MALRD1: variants seen among roughly 807,000 people sequenced by gnomAD.
MALRD1 encodes MAM and LDL receptor class A domain containing 1, also known as MAM and LDL-receptor class A domain-containing protein 1.
MALRD1 carries 247 observed loss-of-function variants against 242.1 expected under a neutral mutation model. That is an observed-to-expected ratio of 1.02 (90% CI 0.92 to 1.13). The LOEUF (loss-of-function observed/expected upper bound fraction) is 1.13, where lower values mean the gene tolerates loss of function less well. Among genes scored for constraint, MALRD1 ranks in the 50% most tolerant of loss-of-function variants. The probability of loss-of-function intolerance (pLI) is 0.00; values close to 1 mark genes in which losing one functional copy is unlikely to be tolerated. For missense variants in MALRD1, 2,989 were observed against 2,533.1 expected (o/e 1.18, Z -3.86); for synonymous variants, 995 against 866.6 (o/e 1.15, Z -2.60).
At position 19,607,782 on chromosome 10, in the gene MALRD1, A is replaced by G; in HGVS notation, c.5950A>G (p.Lys1984Glu). 1 of 1,548,020 alleles carries G rather than the reference A, an allele frequency of 6.5e-7. No individual in the cohort carries two copies. Among genetic ancestry groups the G allele is most frequent in the South Asian group, 1.2e-5 (1 of 83,586 alleles). ...TTATTCTTTTTTTTTTGCAGCCAACAAAAGCTGTTCTAATGGAGCTCTGGT... is the reference window on the plus strand; with the variant it reads ...TTATTCTTTTTTTTTTGCAGCCAACGAAAGCTGTTCTAATGGAGCTCTGGT... Reference protein sequence around the residue: ...FNEDELICSNKSCSNGALVCA... With the variant: ...FNEDELICSNESCSNGALVCA... Residue 1984 changes from lysine (K) to glutamate (E), a missense_variant, in exon 35 of 40, where the codon AAA (lysine) becomes GAA (glutamate). Coordinates refer to ENST00000454679, the MANE Select transcript of MALRD1 (RefSeq NM_001142308.3).
At chr10:19,302,976 G>A (rs1842015184) in intron 21 of MALRD1, among the ~76,000 whole-genome samples, 1 of 151,510 alleles carries the variant, frequency 6.6e-6, no homozygotes, top group African/African-American at 2.4e-5. Context: ...AAGAAGAAAT[G>A]CAAAAAGTTG....
chr10:19,455,143 C>A (rs1396828919), intron 29 of MALRD1, among the ~76,000 whole-genome samples: 2 of 152,100 alleles, frequency 1.3e-5, no homozygotes, highest in African/African-American at 4.8e-5. Flanking sequence ...AATTTGATGT[C>A]TCTCCTTTTT....
intron 14 of MALRD1, among the ~76,000 whole-genome samples, chr10:19,186,281 T>TA (rs1835733805): frequency 6.6e-6 from 1 of 152,206 alleles, no homozygotes; most frequent in Admixed American, 6.5e-5. Flanking sequence ...TCTAGACAGA[T>TA]GTCATTGTGA....
chr10:19,698,020 C>T (rs1833456073), intron 38 of MALRD1, among the ~76,000 whole-genome samples: 4 of 152,182 alleles, frequency 2.6e-5, no homozygotes. Context: ...GATGTAAATG[C>T]CTTCAAGTCA....
intron 31 of MALRD1, among the ~76,000 whole-genome samples, chr10:19,520,093 T>C (rs1261907951): frequency 2.6e-5 from 4 of 152,108 alleles, no homozygotes; most frequent in Non-Finnish European, 4.4e-5. Context: ...ACAACAACCT[T>C]GAGTCGTTCA....
At chr10:19,236,625 A>G (rs1032155218) in intron 18 of MALRD1, among the ~76,000 whole-genome samples, 1 of 152,130 alleles carries the variant, frequency 6.6e-6, no homozygotes, top group African/African-American at 2.4e-5. Flanking sequence ...TTTGCTTCAC[A>G]TCAGGGAAAA....
chr10:19,633,836 C>CTTTTTTTTTTTTTTTTT (rs199830595), intron 36 of MALRD1: 4 of 141,130 alleles, frequency 2.8e-5, no homozygotes, highest in South Asian at 4.4e-4. Flanking sequence ...TTTTTCTTTT[C>CTTTTTTTTTTTTTTTTT]TTTCTTTTTT....
intron 2 of MALRD1, among the ~76,000 whole-genome samples, chr10:19,080,797 A>G (rs1194095789): frequency 6.6e-6 from 1 of 152,128 alleles, no homozygotes; most frequent in Non-Finnish European, 1.5e-5. Flanking sequence ...GAGATTCTGC[A>G]CAGCAAAAGA....
At chr10:19,671,415 C>T (rs149754610) in intron 36 of MALRD1, among the ~76,000 whole-genome samples, 5 of 152,152 alleles carry the variant, frequency 3.3e-5, no homozygotes, top group East Asian at 1.9e-4. Context: ...GTTAGAAGTT[C>T]GAGACCAGCC....
At chr10:19,594,105 T>C (rs1050564270) in intron 33 of MALRD1, among the ~76,000 whole-genome samples, 4 of 152,200 alleles carry the variant, frequency 2.6e-5, no homozygotes, top group Non-Finnish European at 5.9e-5. Flanking sequence ...TGATATCTGA[T>C]ATTGTAACAG....
rs147556164 is a variant in MALRD1 at position 19,334,731 on chromosome 10, G to A, written c.3901+3149G>A. Among the ~76,000 whole-genome samples the A allele has an allele frequency of 3.4e-3, 516 of 152,046 alleles. 4 individuals carry two copies. Among genetic ancestry groups the A allele is most frequent in the African/African-American group, 0.012 (498 of 41,512 alleles). ...TTATTACTATTTATCTTTACCTTAT[G>A]AATATTTTCTGCTATTAGTTATTTT... On this transcript the variant is annotated intron_variant, in intron 24 of 39. Transcript: ENST00000454679.
chr10:19,672,925 A>G (rs1249205884), intron 36 of MALRD1, among the ~76,000 whole-genome samples: 1 of 152,206 alleles, frequency 6.6e-6, no homozygotes, highest in Non-Finnish European at 1.5e-5. Flanking sequence ...AAGAGCTTAT[A>G]TAACATGAGG....
At chr10:19,587,182 AT>A (rs1564462418) in intron 33 of MALRD1, among the ~76,000 whole-genome samples, 1 of 152,130 alleles carries the variant, frequency 6.6e-6, no homozygotes, top group African/African-American at 2.4e-5. Context: ...GAAATCACCC[AT>A]CTTCTGCGTC....
intron 18 of MALRD1, among the ~76,000 whole-genome samples, chr10:19,233,155 C>G (rs1233660533): frequency 6.6e-6 from 1 of 151,988 alleles, no homozygotes; most frequent in East Asian, 1.9e-4. Context: ...GAAATAATCA[C>G]GTCATGAGGA....
chr10:19,548,738 G>A (rs369932304), intron 32 of MALRD1, among the ~76,000 whole-genome samples: 10 of 152,010 alleles, frequency 6.6e-5, no homozygotes, highest in Non-Finnish European at 7.4e-5. Context: ...CCCTCTCTTC[G>A]GGCCTCCCTA....
intron 26 of MALRD1, among the ~76,000 whole-genome samples, chr10:19,362,496 C>T (rs920575245): frequency 2.6e-5 from 4 of 152,024 alleles, no homozygotes; most frequent in African/African-American, 9.7e-5. Context: ...TGGAAATTAG[C>T]TAAGCAGACA....
intron 38 of MALRD1, among the ~76,000 whole-genome samples, chr10:19,724,646 G>T (rs1834931410): frequency 6.6e-6 from 1 of 152,090 alleles, no homozygotes; most frequent in African/African-American, 2.4e-5. Context: ...CTATACACTA[G>T]CTTTAAATTG....
At chr10:19,519,792 A>G (rs572668883) in intron 31 of MALRD1, among the ~76,000 whole-genome samples, 18 of 152,260 alleles carry the variant, frequency 1.2e-4, no homozygotes, top group African/African-American at 2.4e-4. Context: ...ACTGGTTCTG[A>G]TATTTTCTAA....
chr10:19,628,097 T>C (rs1418184062), intron 36 of MALRD1, among the ~76,000 whole-genome samples: 1 of 152,098 alleles, frequency 6.6e-6, no homozygotes, highest in African/African-American at 2.4e-5. Flanking sequence ...TGATATCCTG[T>C]TTTTACCTAT....
Sources: gnomAD v4.1 joint callset for allele counts (sites outside exome capture counted in the v4.1 genomes callset) on GRCh38, gnomAD v4.1.1 for gene constraint, MANE v1.5 for transcripts, NCBI Gene and HGNC (gene_info 2026-07-23, HGNC 2026-07-21) for gene names.